RBFOX1: variants seen among roughly 807,000 people sequenced by gnomAD.
RBFOX1 encodes RNA binding fox-1 homolog 1.
Under a neutral mutation model 57.7 loss-of-function variants are expected in RBFOX1, and 8 were observed. The ratio of observed to expected loss-of-function variants is 0.14; its 90% CI spans 0.08 to 0.25. The LOEUF (loss-of-function observed/expected upper bound fraction) is 0.25, where lower values mean the gene tolerates loss of function less well. Ranked by LOEUF, RBFOX1 falls within the 10% of genes least tolerant of loss-of-function variation. The pLI is 1.00. For missense variants in RBFOX1, 611 were observed against 548.5 expected (o/e 1.11, Z -1.14); for synonymous variants, 326 against 222.4 (o/e 1.47, Z -4.15).
intron 4 of RBFOX1, among the ~76,000 whole-genome samples, chr16:5,996,176 C>G (rs879709108): frequency 2.0e-5 from 3 of 152,128 alleles, no homozygotes; most frequent in Non-Finnish European, 4.4e-5. Context: ...CATAAACATT[C>G]AGACCATAAC....
intron 4 of RBFOX1, among the ~76,000 whole-genome samples, chr16:7,271,095 T>C (rs1487203667): frequency 6.6e-6 from 1 of 152,152 alleles, no homozygotes; most frequent in Non-Finnish European, 1.5e-5. Flanking sequence ...TGAAATAGAG[T>C]GTATCACATT....
At position 7,465,111 on chromosome 16, in the gene RBFOX1, C is replaced by G. The variant is rs369365121; in HGVS notation, c.28-53036C>G. Among the ~76,000 whole-genome samples the G allele has an allele frequency of 3.9e-5, 6 of 152,180 alleles. No individual in the cohort carries two copies. The South Asian group carries it at 8.3e-4, about 21-fold the overall frequency. ...TGTCTGCTAAGCTCATCCTTAGAAC[C>G]CCAAGTTATTTTCTACGTCAGGGGC... On this transcript the variant is annotated intron_variant, in intron 4 of 15. Coordinates refer to ENST00000550418, the MANE Select transcript of RBFOX1 (RefSeq NM_018723.4).
intron 3 of RBFOX1, among the ~76,000 whole-genome samples, chr16:5,764,652 A>T (rs1036381499): frequency 1.3e-5 from 2 of 152,258 alleles, no homozygotes; most frequent in Admixed American, 1.3e-4. Flanking sequence ...GAAAGAGGCA[A>T]TTATCAGTAA....
Position 6,097,613 on chromosome 16 carries a change from A to C in RBFOX1, c.-127+77621A>C, listed in dbSNP as rs1215330809. Among the ~76,000 whole-genome samples the C allele has an allele frequency of 5.3e-5, 8 of 152,308 alleles. No homozygotes were observed. The East Asian group carries it at 7.7e-4, about 15-fold the overall frequency. ...TCATTATTCTCATTTCACAGATGAGAAAAATGAGTCAGTAGGAGGAAAAGT... is the reference window on the plus strand; with the variant it reads ...TCATTATTCTCATTTCACAGATGAGCAAAATGAGTCAGTAGGAGGAAAAGT... On this transcript the variant is annotated intron_variant, in intron 1 of 15. Transcript: ENST00000550418. The surrounding 1 kb of genome is among the most constrained non-coding windows in gnomAD (Gnocchi z 5.0).
chr16:7,434,528 A>C (rs2098707280), intron 4 of RBFOX1, among the ~76,000 whole-genome samples: 1 of 152,088 alleles, frequency 6.6e-6, no homozygotes, highest in South Asian at 2.1e-4. Flanking sequence ...GGAGATGAGG[A>C]GATGGACTGG....
chr16:6,720,240 G>A (rs146940104), intron 3 of RBFOX1, among the ~76,000 whole-genome samples: 2 of 151,684 alleles, frequency 1.3e-5, no homozygotes, highest in African/African-American at 4.9e-5. Flanking sequence ...ACTGCTGAAT[G>A]TTCAAGAAAA....
chr16:6,608,686 G>A (rs1154979), intron 2 of RBFOX1, among the ~76,000 whole-genome samples: 100,624 of 152,006 alleles, frequency 0.66, 33,907 homozygotes, highest in Admixed American at 0.74. Flanking sequence ...GTAGAAGGAT[G>A]ACTTGGGTCC....
intron 4 of RBFOX1, among the ~76,000 whole-genome samples, chr16:7,145,286 C>T (rs1188114636): frequency 3.3e-5 from 5 of 152,140 alleles, no homozygotes; most frequent in African/African-American, 7.2e-5. Flanking sequence ...TTCACTGCAG[C>T]CTCAACTTCC....
At chr16:7,140,138 C>G (rs2073274691) in intron 4 of RBFOX1, among the ~76,000 whole-genome samples, 1 of 147,400 alleles carries the variant, frequency 6.8e-6, no homozygotes, top group Non-Finnish European at 1.5e-5. Context: ...TTCTCATTCT[C>G]TTATTCTCTC....
rs748138539 is a variant in RBFOX1 at position 6,019,933 on chromosome 16, G to A, written c.-186G>A. 3.3e-6 allele frequency: 5 copies of A among 1,534,446 alleles called. No homozygotes were observed. In the South Asian group the frequency reaches 4.8e-5, roughly 15 times the overall value. On this transcript the variant is annotated 5_prime_UTR_variant, in exon 1 of 16. Transcript: ENST00000550418. This position sits in a 1 kb window ranked among gnomAD's most constrained non-coding sequence, Gnocchi z 4.2. ...GTGGCTGGGGGTGCAGAGAGCGCAC[G>A]GGAATTCGGGGGTCTGGGGCCGAGA...
intron 4 of RBFOX1, among the ~76,000 whole-genome samples, chr16:5,870,475 A>C (rs2057443789): frequency 6.6e-6 from 1 of 151,872 alleles, no homozygotes; most frequent in Admixed American, 6.6e-5. Context: ...TCAGATGGTC[A>C]TGGTGGGGGT....
intron 3 of RBFOX1, among the ~76,000 whole-genome samples, chr16:7,030,810 C>G (rs1289825408): frequency 2.0e-5 from 3 of 152,122 alleles, no homozygotes; most frequent in Non-Finnish European, 2.9e-5. Context: ...GAGGCAGGTC[C>G]AGGACTTGAC....
chr16:7,364,366 G>T (rs1957980768), intron 4 of RBFOX1, among the ~76,000 whole-genome samples: 2 of 151,424 alleles, frequency 1.3e-5, no homozygotes, highest in Admixed American at 6.6e-5. Context: ...TTTTTAAGAG[G>T]AAAAAAAATG....
At position 6,165,095 on chromosome 16, in the gene RBFOX1, C is replaced by G. The variant is rs1344040724; in HGVS notation, c.-127+145103C>G. ...TATGGTTTTGTCATTCACAGCTTAG[C>G]TATGTCATCTCAGATAAATTAATGA... On this transcript the variant is annotated intron_variant, in intron 1 of 15. Coordinates refer to ENST00000550418, the MANE Select transcript of RBFOX1 (RefSeq NM_018723.4). Among the ~76,000 whole-genome samples, 11 of 152,232 alleles carry G rather than the reference C, an allele frequency of 7.2e-5. No individual in the cohort carries two copies. In the East Asian group the frequency reaches 1.9e-3, roughly 27 times the overall value.
chr16:5,600,486 CA>C (rs34621437), downstream of RBFOX1, among the ~76,000 whole-genome samples: 2,229 of 90,246 alleles, frequency 0.025, 24 homozygotes, highest in African/African-American at 0.032. Context: ...GAGCCTGTCT[CA>C]AAAAAAAAAA....
intron 4 of RBFOX1, among the ~76,000 whole-genome samples, chr16:7,473,269 T>A (rs2061934239): frequency 6.6e-6 from 1 of 151,804 alleles, no homozygotes; most frequent in Non-Finnish European, 1.5e-5. Flanking sequence ...TCCCAGCTAC[T>A]CAGGAGGCTG....
chr16:7,421,023 T>C (rs2149357881), intron 4 of RBFOX1, among the ~76,000 whole-genome samples: 1 of 151,890 alleles, frequency 6.6e-6, no homozygotes, highest in Non-Finnish European at 1.5e-5. Flanking sequence ...GGCGAAATTG[T>C]GACGCCTCCA....
At chr16:6,541,988 C>A (rs1255817600) in intron 2 of RBFOX1, among the ~76,000 whole-genome samples, 2 of 151,888 alleles carry the variant, frequency 1.3e-5, no homozygotes, top group African/African-American at 4.8e-5. Context: ...ACTCTGTCAC[C>A]CTTGCTGGAG....
chr16:5,366,730 A>G, intron 1 of RBFOX1: 1 of 351,666 alleles, frequency 2.8e-6, no homozygotes, highest in Non-Finnish European at 5.4e-6. Context: ...TTTCCATCTT[A>G]TTTCATTCCT....
Sources: gnomAD v4.1 joint callset for allele counts (sites outside exome capture counted in the v4.1 genomes callset) on GRCh38, gnomAD v4.1.1 for gene constraint, Gnocchi (gnomAD v3.1) non-coding constraint, MANE v1.5 for transcripts, NCBI Gene and HGNC (gene_info 2026-07-23, HGNC 2026-07-21) for gene names.